Variants in LRRFIP2 observed in about 807,000 individuals in gnomAD.
LRRFIP2 encodes the protein leucine-rich repeat flightless-interacting protein 2.
LRRFIP2 carries 109 observed loss-of-function variants against 125.9 expected under a neutral mutation model. The observed-to-expected ratio is 0.87, with a 90% CI of 0.74 to 1.01. The LOEUF is 1.01. Among genes scored for constraint, LRRFIP2 ranks in the 50% least tolerant of loss-of-function variants. The pLI, the probability that LRRFIP2 is intolerant of heterozygous loss-of-function variation, is 0.00. For missense variants in LRRFIP2, 850 were observed against 862.3 expected (o/e 0.99, Z 0.18); for synonymous variants, 291 against 293.1 (o/e 0.99, Z 0.07).
At chr3:37,102,667 T>A (rs2094126674) in intron 15 of LRRFIP2, among the ~76,000 whole-genome samples, 1 of 151,496 alleles carries the variant, frequency 6.6e-6, no homozygotes, top group Non-Finnish European at 1.5e-5. Flanking sequence ...CCCAGCTAAT[T>A]TTTTTTGTAT....
intron 4 of LRRFIP2, among the ~76,000 whole-genome samples, chr3:37,122,612 AT>A (rs1272216137): frequency 1.3e-5 from 2 of 152,144 alleles, no homozygotes; most frequent in East Asian, 1.9e-4. Flanking sequence ...TACTGTAAAG[AT>A]TTTTTTTCAC....
Position 37,148,884 on chromosome 3 carries a change from C to T in LRRFIP2, c.90+10G>A, listed in dbSNP as rs1257001461. 6.2e-7 allele frequency: 1 copy of T among 1,613,892 alleles called. No individual in the cohort carries two copies. The highest frequency in any genetic ancestry group is 8.5e-7 in the Non-Finnish European group (1 of 1,179,890). ...CAACTCAGTGTTGAGAGGGGATTTA[C>T]CAAACATACCTCTCTGGCAATGTTA... On this transcript the variant is annotated intron_variant, in intron 2 of 27. Coordinates refer to ENST00000336686, the MANE Select transcript of LRRFIP2 (RefSeq NM_006309.4).
At chr3:37,101,348 C>T (rs1015235297) in intron 15 of LRRFIP2, among the ~76,000 whole-genome samples, 2 of 136,802 alleles carry the variant, frequency 1.5e-5, no homozygotes, top group African/African-American at 2.7e-5. Context: ...CAGAGTGAGA[C>T]TCCGTCTCAA....
At chr3:37,105,413 T>C (rs2149362178) in intron 14 of LRRFIP2, 42 bp downstream of exon 14, 1 of 1,550,740 alleles carries the variant, frequency 6.4e-7, no homozygotes, top group South Asian at 1.1e-5. Context: ...ATTGCTGTCA[T>C]TTAAAACTCA....
At position 37,055,161 on chromosome 3, in the gene LRRFIP2, A is replaced by G; in HGVS notation, c.1875T>C (p.Asp625=). The G allele has an allele frequency of 1.3e-6, 2 of 1,586,322 alleles. No individual in the cohort carries two copies. The highest frequency in any genetic ancestry group is 2.3e-5 in the South Asian group (2 of 87,936). Residue 625 remains aspartate, a synonymous_variant, in exon 26 of 28, where the codon GAT becomes GAC. Transcript: ENST00000336686. ...SDLQFIEMQR[D]ANRQISEYKF... ...TGTATTCGCTAATTTGTCTATTGGC[A>G]TCTCCTAGAACAGAAGAAGACAATG...
chr3:37,077,795 A>G (rs1223442545), intron 19 of LRRFIP2, among the ~76,000 whole-genome samples: 1 of 152,242 alleles, frequency 6.6e-6, no homozygotes, highest in Non-Finnish European at 1.5e-5. Flanking sequence ...AATGTGGTAT[A>G]TATACAGTGG....
intron 13 of LRRFIP2, among the ~76,000 whole-genome samples, chr3:37,105,873 T>C (rs2094296763): frequency 6.6e-6 from 1 of 152,170 alleles, no homozygotes; most frequent in Non-Finnish European, 1.5e-5. Context: ...AAGATGAACC[T>C]GACCAACATG....
At chr3:37,118,939 A>G (rs2094907653) in intron 6 of LRRFIP2, among the ~76,000 whole-genome samples, 1 of 152,252 alleles carries the variant, frequency 6.6e-6, no homozygotes, top group African/African-American at 2.4e-5. Flanking sequence ...TTGTCTAACA[A>G]TTCAGCTTAA....
chr3:37,165,457 T>C (rs1288637267), intron 1 of LRRFIP2, among the ~76,000 whole-genome samples: 2 of 140,182 alleles, frequency 1.4e-5, no homozygotes, highest in Admixed American at 1.6e-4. Context: ...TTATACCATA[T>C]AGAAAAGTTA....
intron 4 of LRRFIP2, 129 bp downstream of exon 4, chr3:37,127,501 A>T: frequency 1.2e-6 from 1 of 862,674 alleles, no homozygotes; most frequent in South Asian, 1.4e-5. Context: ...GACAGAATAG[A>T]CACTCTGACC....
intron 19 of LRRFIP2, among the ~76,000 whole-genome samples, chr3:37,079,980 A>T (rs2092483604): frequency 6.6e-6 from 1 of 152,240 alleles, no homozygotes; most frequent in South Asian, 2.1e-4. Context: ...TAATGAAAAC[A>T]TACTAAAAGT....
intron 22 of LRRFIP2, 52 bp downstream of exon 22, chr3:37,066,172 G>T: frequency 6.8e-7 from 1 of 1,475,618 alleles, no homozygotes; most frequent in Non-Finnish European, 9.5e-7. Flanking sequence ...AAGGAAGGAA[G>T]ATAGAGAGTA....
intron 15 of LRRFIP2, among the ~76,000 whole-genome samples, chr3:37,102,289 A>G (rs947763176): frequency 1.3e-5 from 2 of 152,104 alleles, no homozygotes; most frequent in African/African-American, 4.8e-5. Context: ...GATTTGCTTT[A>G]GAATAACTCA....
intron 1 of LRRFIP2, among the ~76,000 whole-genome samples, chr3:37,152,298 C>T (rs2096056561): frequency 6.6e-6 from 1 of 152,072 alleles, no homozygotes; most frequent in South Asian, 2.1e-4. Flanking sequence ...GTGGTGGGGG[C>T]AAGGACGGCT....
intron 24 of LRRFIP2, among the ~76,000 whole-genome samples, chr3:37,062,678 G>A (rs1431164264): frequency 6.6e-6 from 1 of 152,144 alleles, no homozygotes; most frequent in African/African-American, 2.4e-5. Context: ...ATGAAGAAAT[G>A]TCCTTTTAAA....
chr3:37,063,642 T>C, intron 24 of LRRFIP2, 100 bp downstream of exon 24: 2 of 883,424 alleles, frequency 2.3e-6, no homozygotes, highest in Middle Eastern at 2.2e-4. Flanking sequence ...GTACTGATGT[T>C]TGAAAGAAGC....
At position 37,058,805 on chromosome 3, in the gene LRRFIP2, A is replaced by T; in HGVS notation, c.1855T>A (p.Phe619Ile). ...AGLQNGSDLQ[F>I]IEMQRDANRQ... ...TGGTACCTACTCTGCATTTCGATGA[A>T]CTGCAAGTCTGAGCCATTCTGCAGT... The change falls in exon 25 of 28, where the codon TTC (phenylalanine) becomes ATC (isoleucine). Residue 619 changes from phenylalanine (F) to isoleucine (I), a missense_variant. By Grantham distance (21) the Phe-to-Ile change is conservative. Transcript: ENST00000336686. The T allele has an allele frequency of 6.2e-7, 1 of 1,614,068 alleles. No individual in the cohort carries two copies. Among genetic ancestry groups the T allele is most frequent in the South Asian group, 1.1e-5 (1 of 91,080 alleles).
intron 24 of LRRFIP2, among the ~76,000 whole-genome samples, chr3:37,061,201 G>C (rs2088584161): frequency 6.6e-6 from 1 of 152,102 alleles, no homozygotes; most frequent in African/African-American, 2.4e-5. Context: ...GAGGCTGGCT[G>C]GGCGCGGTGG....
intron 18 of LRRFIP2, among the ~76,000 whole-genome samples, chr3:37,088,509 TAA>T (rs879257970): frequency 2.9e-4 from 39 of 136,698 alleles, no homozygotes; most frequent in Middle Eastern, 3.7e-3. Flanking sequence ...AGACTGCATT[TAA>T]AAAAAAAAAA....
Sources: gnomAD v4.1 joint callset for allele counts (sites outside exome capture counted in the v4.1 genomes callset) on GRCh38, gnomAD v4.1.1 for gene constraint, MANE v1.5 for transcripts, NCBI Gene and HGNC (gene_info 2026-07-23, HGNC 2026-07-21) for gene names.